Variants in C12orf42 observed in about 807,000 individuals in gnomAD.
The protein encoded by C12orf42 is chromosome 12 open reading frame 42.
C12orf42 carries 25 observed loss-of-function variants against 21.6 expected under a neutral mutation model. The observed-to-expected ratio is 1.16, with a 90% confidence interval of 0.84 to 1.62. The LOEUF is 1.62. Among genes scored for constraint, C12orf42 ranks in the 40% most tolerant of loss-of-function variants. The probability of loss-of-function intolerance (pLI) is 0.00; values close to 1 mark genes in which losing one functional copy is unlikely to be tolerated. For synonymous variants in C12orf42, 174 were observed against 175.0 expected (o/e 0.99, Z 0.05); for missense variants, 483 against 459.3 (o/e 1.05, Z -0.47).
At chr12:103,468,953 G>A (rs1592944126) in intron 2 of C12orf42, among the ~76,000 whole-genome samples, 1 of 152,178 alleles carries the variant, frequency 6.6e-6, no homozygotes. Flanking sequence ...CTAGCTAATA[G>A]CCTTGTAGAT....
intron 3 of C12orf42, among the ~76,000 whole-genome samples, chr12:103,373,917 C>T (rs2138023662): frequency 6.6e-6 from 1 of 152,304 alleles, no homozygotes; most frequent in East Asian, 1.9e-4. Context: ...ATTTCCTCTA[C>T]ATGGAGCATT....
chr12:103,457,663 C>T (rs1212885147), intron 2 of C12orf42, among the ~76,000 whole-genome samples: 1 of 152,114 alleles, frequency 6.6e-6, no homozygotes, highest in Non-Finnish European at 1.5e-5. Flanking sequence ...AACTTTCAAG[C>T]ATTTGAATCA....
chr12:103,056,272 G>A, the C12orf42 span, among the ~76,000 whole-genome samples: 4 of 152,080 alleles, frequency 2.6e-5, no homozygotes, highest in Non-Finnish European at 5.9e-5. Flanking sequence ...TTTATCACTT[G>A]AAAAATATTG....
chr12:103,053,328 C>A, the C12orf42 span, among the ~76,000 whole-genome samples: 1 of 151,866 alleles, frequency 6.6e-6, no homozygotes, highest in African/African-American at 2.4e-5. Flanking sequence ...CTCACTGTGG[C>A]TTTAATTTGT....
At chr12:103,342,342 G>A (rs564716505) in intron 4 of C12orf42, among the ~76,000 whole-genome samples, 45 of 152,210 alleles carry the variant, frequency 3.0e-4, no homozygotes, top group Middle Eastern at 3.4e-3. Flanking sequence ...TTACCCTTAC[G>A]ATACCTAAAC....
At chr12:103,073,860 T>C in the C12orf42 span, among the ~76,000 whole-genome samples, 1 of 152,180 alleles carries the variant, frequency 6.6e-6, no homozygotes, top group Non-Finnish European at 1.5e-5. Flanking sequence ...TGCAGGTTTT[T>C]TTGGAAGGTC....
chr12:103,135,141 G>GGTA, the C12orf42 span, among the ~76,000 whole-genome samples: 1 of 152,070 alleles, frequency 6.6e-6, no homozygotes, highest in African/African-American at 2.4e-5. Context: ...ACAACCTACT[G>GGTA]GTAGATCAAA....
intron 3 of C12orf42, among the ~76,000 whole-genome samples, chr12:103,382,683 A>G (rs1164173518): frequency 6.6e-6 from 1 of 152,214 alleles, no homozygotes; most frequent in Non-Finnish European, 1.5e-5. Flanking sequence ...TATAGCTGAG[A>G]GCAGGTGGCT....
chr12:103,552,829 A>G, the C12orf42 span, among the ~76,000 whole-genome samples: 1 of 152,150 alleles, frequency 6.6e-6, no homozygotes, highest in Non-Finnish European at 1.5e-5. Flanking sequence ...ATGGCTGGGG[A>G]GGCCTCAGGA....
chr12:103,126,324 C>T, the C12orf42 span, among the ~76,000 whole-genome samples: 3 of 152,268 alleles, frequency 2.0e-5, no homozygotes, highest in South Asian at 2.1e-4. Context: ...TGGCATTTTC[C>T]GTGTCACTTC....
chr12:103,507,725 G>A, the C12orf42 span, among the ~76,000 whole-genome samples: 2,002 of 151,884 alleles, frequency 0.013, 43 homozygotes, highest in African/African-American at 0.045. Flanking sequence ...ACCTTTCATC[G>A]ACACACGTGG....
At chr12:103,192,782 A>C in the C12orf42 span, among the ~76,000 whole-genome samples, 1 of 152,206 alleles carries the variant, frequency 6.6e-6, no homozygotes, top group East Asian at 1.9e-4. Context: ...AATAGACAGC[A>C]ATACAATAAT....
chr12:103,548,215 A>G, the C12orf42 span, among the ~76,000 whole-genome samples: 1 of 152,216 alleles, frequency 6.6e-6, no homozygotes, highest in African/African-American at 2.4e-5. Context: ...GCCCTTTGCT[A>G]CCTAATTAAC....
intron 2 of C12orf42, among the ~76,000 whole-genome samples, chr12:103,428,511 A>T (rs11111568): frequency 0.19 from 29,108 of 152,058 alleles, 3,346 homozygotes; most frequent in East Asian, 0.35. Context: ...CAGGACCAGA[A>T]GGATTCACAG....
intron 4 of C12orf42, among the ~76,000 whole-genome samples, chr12:103,366,105 T>A (rs2044577311): frequency 6.6e-6 from 1 of 151,640 alleles, no homozygotes; most frequent in Non-Finnish European, 1.5e-5. Flanking sequence ...GGTACTAATA[T>A]AAAAATATGC....
intron 4 of C12orf42, among the ~76,000 whole-genome samples, chr12:103,364,861 A>T (rs371381689): frequency 1.3e-5 from 2 of 152,036 alleles, no homozygotes; most frequent in African/African-American, 4.8e-5. Flanking sequence ...AGCCAAAAAA[A>T]GTCCAGAACC....
the C12orf42 span, among the ~76,000 whole-genome samples, chr12:103,218,314 T>C: frequency 6.6e-6 from 1 of 151,538 alleles, no homozygotes; most frequent in South Asian, 2.1e-4. Flanking sequence ...TTCTCCCCAC[T>C]AGAATATACT....
the C12orf42 span, among the ~76,000 whole-genome samples, chr12:103,148,780 C>G: frequency 0.12 from 18,739 of 152,080 alleles, 1,577 homozygotes; most frequent in East Asian, 0.45. Flanking sequence ...AAACTATTAC[C>G]TACTCTGGTG....
chr12:103,474,967 G>T (rs1953930397), intron 2 of C12orf42, among the ~76,000 whole-genome samples: 1 of 152,114 alleles, frequency 6.6e-6, no homozygotes, highest in African/African-American at 2.4e-5. Flanking sequence ...CTTCTCTCCT[G>T]GTTAACATAA....
Sources: allele counts gnomAD v4.1 joint callset (sites outside exome capture counted in the v4.1 genomes callset), GRCh38; gene constraint gnomAD v4.1.1; transcripts MANE v1.5; gene names NCBI Gene and HGNC (gene_info 2026-07-23, HGNC 2026-07-21).